PHF21A: variants seen among roughly 807,000 people sequenced by gnomAD.
PHF21A encodes BHC80a.
In PHF21A, 11 loss-of-function variants were observed where a neutral mutation model predicts 82.5. The observed-to-expected ratio is 0.13, with a 90% CI of 0.08 to 0.22. PHF21A has a LOEUF of 0.22. Ranked by LOEUF, PHF21A falls within the 10% of genes least tolerant of loss-of-function variation. The pLI, the probability that PHF21A is intolerant of heterozygous loss-of-function variation, is 1.00. For missense variants in PHF21A, 579 were observed against 837.8 expected (o/e 0.69, Z 3.81); for synonymous variants, 297 against 302.8 (o/e 0.98, Z 0.20).
intron 6 of PHF21A, among the ~76,000 whole-genome samples, chr11:46,007,387 C>T (rs1339967818): frequency 2.6e-5 from 4 of 151,204 alleles, no homozygotes; most frequent in South Asian, 2.1e-4. Flanking sequence ...GATCTTGGCT[C>T]GCTGCAACCT....
At chr11:46,076,630 C>A in intron 6 of PHF21A, 124 bp downstream of exon 6, 3 of 704,022 alleles carry the variant, frequency 4.3e-6, no homozygotes, top group South Asian at 2.2e-5. Flanking sequence ...AAATTAAAAC[C>A]AAGTCTGGCT....
chr11:46,027,164 A>G (rs2095763628), intron 6 of PHF21A: 1 of 152,198 alleles, frequency 6.6e-6, no homozygotes, highest in African/African-American at 2.4e-5. Flanking sequence ...GCTGTCTCAC[A>G]TCACTCTGCT....
intron 6 of PHF21A, among the ~76,000 whole-genome samples, chr11:46,068,319 G>C (rs1592753386): frequency 1.3e-5 from 2 of 152,098 alleles, no homozygotes; most frequent in African/African-American, 4.8e-5. Flanking sequence ...AAAGAAGTCT[G>C]AAAAGCACAG....
rs369977379 is a variant in PHF21A, at chr11:45,951,585, C to T, written c.1096-1328G>A. On this transcript the variant is annotated intron_variant, in intron 11 of 18. Transcript: ENST00000676320. Reference sequence around the variant, plus strand: ...TTTGTGGTTGCCAACTAACTACATTCCTAATTTTCACTATTCCTTAGAAAT... The same window carrying T: ...TTTGTGGTTGCCAACTAACTACATTTCTAATTTTCACTATTCCTTAGAAAT... Among the ~76,000 whole-genome samples, 5 of 152,280 alleles carry T rather than the reference C, an allele frequency of 3.3e-5. No individual in the cohort carries two copies. In the South Asian group the frequency reaches 6.2e-4, roughly 19 times the overall value.
At chr11:46,116,097 A>G (rs1355827832) in intron 1 of PHF21A, among the ~76,000 whole-genome samples, 1 of 152,162 alleles carries the variant, frequency 6.6e-6, no homozygotes, top group Admixed American at 6.5e-5. Context: ...CTAATTATCT[A>G]TATTTTACTT....
At chr11:46,028,706 T>G (rs1281933554) in intron 6 of PHF21A, among the ~76,000 whole-genome samples, 1 of 151,922 alleles carries the variant, frequency 6.6e-6, no homozygotes, top group Admixed American at 6.6e-5. Flanking sequence ...CCTGAGTAGC[T>G]GGGATTACAG....
intron 6 of PHF21A, among the ~76,000 whole-genome samples, chr11:46,046,611 T>C (rs916732275): frequency 9.9e-5 from 15 of 152,214 alleles, no homozygotes; most frequent in Non-Finnish European, 2.1e-4. Context: ...TTTGTGCATA[T>C]ATTTCCCTCA....
chr11:46,016,681 C>G (rs1413682334), intron 6 of PHF21A, among the ~76,000 whole-genome samples: 42 of 152,186 alleles, frequency 2.8e-4, no homozygotes, highest in Non-Finnish European at 1.3e-4. Context: ...TTATGTTTTT[C>G]TCCTCTACTA....
In PHF21A at chr11:45,931,971, G is replaced by T. The variant is rs553834491; in HGVS notation, c.*1997C>A. 6.6e-6 allele frequency: 1 copy of T among 152,460 alleles called. No homozygotes were observed. Among genetic ancestry groups the T allele is most frequent in the Admixed American group, 6.5e-5 (1 of 15,306 alleles). 9.4% of individuals were successfully genotyped at this position (152,460 alleles called of 1,614,324 possible). On this transcript the variant is annotated 3_prime_UTR_variant, in exon 19 of 19. Transcript: ENST00000676320. ...GGTCACCCAGGAGGCTTGTGGGTGG[G>T]TGGAGTGGAGTAAATTTCTGGTGCC...
intron 1 of PHF21A, among the ~76,000 whole-genome samples, chr11:46,103,889 C>T (rs960951466): frequency 9.2e-5 from 14 of 152,118 alleles, no homozygotes; most frequent in Admixed American, 2.6e-4. Context: ...TAGAGACATT[C>T]GTAAGACAGA....
At chr11:46,027,235 G>A (rs780736986) in intron 6 of PHF21A, among the ~76,000 whole-genome samples, 11 of 152,172 alleles carry the variant, frequency 7.2e-5, no homozygotes, top group South Asian at 2.1e-4. Flanking sequence ...AGTTTTCTCC[G>A]TGCTAACAGG....
chr11:46,020,984 G>A (rs1428146909), intron 6 of PHF21A, among the ~76,000 whole-genome samples: 2 of 151,854 alleles, frequency 1.3e-5, no homozygotes, highest in African/African-American at 4.8e-5. Context: ...TTCAATGTAT[G>A]ATGGGTTTAT....
chr11:45,989,991 CAAAAAAT>C (rs544165912), intron 6 of PHF21A, among the ~76,000 whole-genome samples: 33 of 151,704 alleles, frequency 2.2e-4, no homozygotes, highest in African/African-American at 7.2e-4. Flanking sequence ...GACCCTGACT[CAAAAAAT>C]AAATAAATAA....
At chr11:46,050,949 T>A (rs1308584488) in intron 6 of PHF21A, among the ~76,000 whole-genome samples, 1 of 152,142 alleles carries the variant, frequency 6.6e-6, no homozygotes, top group Non-Finnish European at 1.5e-5. Flanking sequence ...TTCTAGTAAA[T>A]TGCAAAAATT....
intron 2 of PHF21A, among the ~76,000 whole-genome samples, chr11:46,091,044 C>A (rs1353891887): frequency 2.0e-5 from 3 of 152,008 alleles, no homozygotes; most frequent in Non-Finnish European, 2.9e-5. Flanking sequence ...GAGAGAAAGG[C>A]AAGTAGAATA....
At chr11:46,042,798 A>G (rs561954186) in intron 6 of PHF21A, among the ~76,000 whole-genome samples, 37 of 152,030 alleles carry the variant, frequency 2.4e-4, no homozygotes, top group Admixed American at 2.2e-3. Context: ...CCTTCTTGCT[A>G]TGTCCTCACA....
intron 4 of PHF21A, among the ~76,000 whole-genome samples, chr11:46,083,335 G>A (rs2096817256): frequency 6.6e-6 from 1 of 152,170 alleles, no homozygotes; most frequent in African/African-American, 2.4e-5. Flanking sequence ...CTAATTCTGA[G>A]CAATGTGCAA....
At chr11:46,103,198 A>C (rs1183478849) in intron 1 of PHF21A, among the ~76,000 whole-genome samples, 1 of 152,242 alleles carries the variant, frequency 6.6e-6, no homozygotes, top group Admixed American at 6.5e-5. Flanking sequence ...ACGCTTGTAG[A>C]ATCTCTTTCT....
intron 1 of PHF21A, among the ~76,000 whole-genome samples, chr11:46,096,596 T>C (rs1405572123): frequency 6.6e-6 from 1 of 152,110 alleles, no homozygotes; most frequent in South Asian, 2.1e-4. Context: ...GACCATCCTC[T>C]CTTGATTTTC....
Sources: gnomAD v4.1 joint callset for allele counts (sites outside exome capture counted in the v4.1 genomes callset) on GRCh38, gnomAD v4.1.1 for gene constraint, MANE v1.5 for transcripts, NCBI Gene and HGNC (gene_info 2026-07-23, HGNC 2026-07-21) for gene names.